Variants in SHROOM4 observed in about 807,000 individuals in gnomAD.
SHROOM4 encodes the protein protein Shroom4.
In SHROOM4, 17 loss-of-function variants were observed where a neutral mutation model predicts 80.3. The observed-to-expected ratio is 0.21, with a 90% CI of 0.14 to 0.32. The LOEUF is 0.32. Ranked by LOEUF, SHROOM4 falls within the 10% of genes least tolerant of loss-of-function variation. The pLI is 1.00. For missense variants in SHROOM4, 993 were observed against 1,140.3 expected (o/e 0.87, Z 1.86); for synonymous variants, 400 against 437.5 (o/e 0.91, Z 1.07).
chrX:50,696,026 A>G (rs781872707), intron 1 of SHROOM4, 89 bp from the exon 2 acceptor site: 2 of 1,052,467 alleles, frequency 1.9e-6, no homozygotes, highest in East Asian at 3.0e-5. Context: ...TGGAGCCACA[A>G]GTAGTACTGG....
intron 2 of SHROOM4, among the ~76,000 whole-genome samples, chrX:50,661,639 T>A (rs1557259986): frequency 8.9e-6 from 1 of 112,659 alleles, no homozygotes; most frequent in Non-Finnish European, 1.9e-5. Context: ...ATTCATGTGC[T>A]TAGTACCAAA....
At chrX:50,808,710 T>A (rs1486233888) in intron 1 of SHROOM4, among the ~76,000 whole-genome samples, 2 of 111,041 alleles carry the variant, frequency 1.8e-5, no homozygotes, top group South Asian at 7.8e-4. Flanking sequence ...GTCTCTCTTT[T>A]TTCTTTAAAG....
At chrX:50,813,253 T>A (rs1271390932) in intron 1 of SHROOM4, among the ~76,000 whole-genome samples, 2 of 111,379 alleles carry the variant, frequency 1.8e-5, no homozygotes, top group Non-Finnish European at 3.8e-5. Flanking sequence ...TCCTCCACAC[T>A]TCTCAACGTG....
At chrX:50,664,616 A>C (rs1932629758) in intron 2 of SHROOM4, among the ~76,000 whole-genome samples, 1 of 111,771 alleles carries the variant, frequency 8.9e-6, no homozygotes, top group African/African-American at 3.2e-5. Flanking sequence ...AATTATAGCA[A>C]AAGCACATAA....
chrX:50,748,165 A>G (rs1421692840), intron 1 of SHROOM4, among the ~76,000 whole-genome samples: 1 of 111,753 alleles, frequency 8.9e-6, no homozygotes, highest in Non-Finnish European at 1.9e-5. Flanking sequence ...ACATTTAACA[A>G]AGATAACATG....
At chrX:50,775,789 T>C (rs1935492001) in intron 1 of SHROOM4, among the ~76,000 whole-genome samples, 1 of 112,085 alleles carries the variant, frequency 8.9e-6, no homozygotes, top group Non-Finnish European at 1.9e-5. Context: ...AGGTGTGACA[T>C]ATGAGGGAAC....
At position 50,662,137 on chromosome X, in the gene SHROOM4, G is replaced by C. The variant is rs140787549; in HGVS notation, c.270-23829C>G. 5.6e-3 allele frequency among the ~76,000 whole-genome samples: 624 copies of C among 111,019 alleles called. 5 individuals carry two copies. Among genetic ancestry groups the C allele is most frequent in the Non-Finnish European group, 9.8e-3 (520 of 53,031 alleles). ...CAAATCTGAGAACTACTGTTCTAGG[G>C]TATATCTGTGGATAAGACAAATTAA... On this transcript the variant is annotated intron_variant, in intron 2 of 8. Coordinates refer to ENST00000376020, the MANE Select transcript of SHROOM4 (RefSeq NM_020717.5).
At chrX:50,620,441 A>G (rs2147263866) in intron 5 of SHROOM4, among the ~76,000 whole-genome samples, 1 of 111,975 alleles carries the variant, frequency 8.9e-6, no homozygotes, top group East Asian at 2.8e-4. Context: ...AATAAGCACT[A>G]CTATGAACAT....
At chrX:50,788,968 T>G (rs974717609) in intron 1 of SHROOM4, among the ~76,000 whole-genome samples, 3 of 112,145 alleles carry the variant, frequency 2.7e-5, no homozygotes, top group Non-Finnish European at 5.6e-5. Flanking sequence ...GATATAAGAA[T>G]TGTGAATATA....
rs782114273 is a variant in SHROOM4 at position 50,633,507 on chromosome X, T to C, written c.2566A>G (p.Thr856Ala). The C allele has an allele frequency of 8.3e-7, 1 of 1,209,408 alleles. No individual in the cohort carries two copies. Among genetic ancestry groups the C allele is most frequent in the Admixed American group, 2.2e-5 (1 of 45,704 alleles). The change falls in exon 4 of 9, where the codon ACT (threonine) becomes GCT (alanine). Residue 856 changes from threonine (T) to alanine (A), a missense_variant. Physicochemically the swap from Thr to Ala is moderately conservative, Grantham distance 58 (BLOSUM62 0). Transcript: ENST00000376020. Reference protein sequence around the residue: ...SMSPLQSETPTYSECFASKGL... With the variant: ...SMSPLQSETPAYSECFASKGL... ...TTGCTTGCAAAACATTCTGAGTAAG[T>C]GGGAGTTTCTGACTGAAGGGGTGAC...
intron 5 of SHROOM4, among the ~76,000 whole-genome samples, chrX:50,625,944 A>T (rs1336300768): frequency 8.9e-6 from 1 of 111,995 alleles, no homozygotes; most frequent in African/African-American, 3.2e-5. Context: ...ATTACAGATA[A>T]CATTTCCTGA....
chrX:50,662,825 AT>A (rs1177585751), intron 2 of SHROOM4, among the ~76,000 whole-genome samples: 1 of 110,684 alleles, frequency 9.0e-6, no homozygotes, highest in Non-Finnish European at 1.9e-5. Flanking sequence ...CGCTCCTTGG[AT>A]TTTTTTTCAA....
At chrX:50,667,784 AGGTCTCT>A (rs201566857) in intron 2 of SHROOM4, among the ~76,000 whole-genome samples, 1,590 of 111,869 alleles carry the variant, frequency 0.014, 31 homozygotes, top group African/African-American at 0.048. Flanking sequence ...CACAGTGATA[AGGTCTCT>A]GGCTTTTCTT....
At chrX:50,734,649 A>C (rs781917020) in intron 1 of SHROOM4, among the ~76,000 whole-genome samples, 1 of 110,924 alleles carries the variant, frequency 9.0e-6, no homozygotes, top group South Asian at 3.9e-4. Flanking sequence ...TCCTGACCTC[A>C]AGTGATCTGC....
intron 1 of SHROOM4, among the ~76,000 whole-genome samples, chrX:50,714,026 C>A (rs1435534861): frequency 3.6e-5 from 4 of 111,947 alleles, no homozygotes; most frequent in Non-Finnish European, 7.5e-5. Flanking sequence ...TTTCATTCTT[C>A]TGCATATGCT....
intron 4 of SHROOM4, among the ~76,000 whole-genome samples, chrX:50,631,983 T>C (rs1431692319): frequency 1.8e-5 from 2 of 111,948 alleles, no homozygotes; most frequent in African/African-American, 6.5e-5. Flanking sequence ...TTAGGCAAAA[T>C]TTACTTCCAG....
Position 50,607,796 on chromosome X carries a change from G to A in SHROOM4, c.3346C>T (p.Arg1116Cys), listed in dbSNP as rs200144471. 1.1e-4 allele frequency: 131 copies of A among 1,207,054 alleles called. No homozygotes were observed. The East Asian group carries it at 3.2e-3, about 30-fold the overall frequency. The change falls in exon 6 of 9, where the codon CGT (arginine) becomes TGT (cysteine). Residue 1116 changes from arginine to cysteine, a missense_variant. Arg to Cys is a radical substitution (Grantham distance 180). Coordinates refer to ENST00000376020, the MANE Select transcript of SHROOM4 (RefSeq NM_020717.5). ...TGCTGCTTCTGCTGCTGGGCTGCAC[G>A]AAAGAGCCTGTACTTCTCCCAGTTG... The part of the protein sequence containing the change: ...PPNWEKYRLF[R>C]AAQQQKQQQQ...
chrX:50,745,843 T>C (rs1291874178), intron 1 of SHROOM4, among the ~76,000 whole-genome samples: 2 of 111,845 alleles, frequency 1.8e-5, no homozygotes, highest in African/African-American at 6.5e-5. Flanking sequence ...CAAGGTTCCA[T>C]AGATTTTTCT....
intron 1 of SHROOM4, among the ~76,000 whole-genome samples, chrX:50,799,327 C>T (rs1936073537): frequency 8.9e-6 from 1 of 112,247 alleles, no homozygotes; most frequent in Non-Finnish European, 1.9e-5. Flanking sequence ...TGGGTGAACT[C>T]TCCAACAGTA....
Sources: gnomAD v4.1 joint callset for allele counts (sites outside exome capture counted in the v4.1 genomes callset) on GRCh38, gnomAD v4.1.1 for gene constraint, MANE v1.5 for transcripts, NCBI Gene and HGNC (gene_info 2026-07-23, HGNC 2026-07-21) for gene names.